ERCC6L2: variants seen among roughly 807,000 people sequenced by gnomAD.
The protein encoded by ERCC6L2 is DNA excision repair protein ERCC-6-like 2.
ERCC6L2 carries 77 observed loss-of-function variants against 132.0 expected under a neutral mutation model. The observed-to-expected ratio is 0.58, with a 90% CI of 0.49 to 0.71. ERCC6L2 has a LOEUF of 0.71. Ranked by LOEUF, ERCC6L2 falls within the 30% of genes least tolerant of loss-of-function variation. ERCC6L2 has a pLI of 0.00. For synonymous variants in ERCC6L2, 583 were observed against 632.4 expected (o/e 0.92, Z 1.17); for missense variants, 1,542 against 1,837.6 (o/e 0.84, Z 2.94).
chr9:96,022,631 C>T (rs993261430), downstream of ERCC6L2, among the ~76,000 whole-genome samples: 11 of 152,236 alleles, frequency 7.2e-5, no homozygotes, highest in East Asian at 1.9e-3. Context: ...CAGCGCCAGC[C>T]GGGTCCGGGC....
chr9:96,031,400 C>G (rs1228356548), intron 19 of ERCC6L2, among the ~76,000 whole-genome samples: 1 of 152,214 alleles, frequency 6.6e-6, no homozygotes, highest in Admixed American at 6.5e-5. Context: ...ACCAAGGGCA[C>G]CCACAGGTCT....
At chr9:95,879,704 T>G (rs1827488497) in intron 1 of ERCC6L2, among the ~76,000 whole-genome samples, 1 of 152,186 alleles carries the variant, frequency 6.6e-6, no homozygotes, top group Non-Finnish European at 1.5e-5. Flanking sequence ...GTTAGTGGCT[T>G]TACTTTTAAG....
At chr9:95,970,059 TTTCATA>T in intron 14 of ERCC6L2, among the ~76,000 whole-genome samples, 1 of 152,182 alleles carries the variant, frequency 6.6e-6, no homozygotes, top group East Asian at 1.9e-4. Context: ...TTGTTTTTAG[TTTCATA>T]TTAGGGTGGA....
chr9:95,893,202 A>G (rs1458503200), intron 2 of ERCC6L2, among the ~76,000 whole-genome samples: 3 of 152,220 alleles, frequency 2.0e-5, no homozygotes, highest in African/African-American at 7.2e-5. Context: ...TCTAAGAGTT[A>G]GGAATGCTAA....
chr9:95,997,390 A>C (rs1194877710), intron 17 of ERCC6L2, among the ~76,000 whole-genome samples: 1 of 151,926 alleles, frequency 6.6e-6, no homozygotes, highest in Non-Finnish European at 1.5e-5. Flanking sequence ...GAACTGCTGC[A>C]ATCTCATGAT....
Position 96,015,287 on chromosome 9 carries a change from G to A in ERCC6L2, c.*2084G>A, listed in dbSNP as rs1439790000. Among the ~76,000 whole-genome samples the A allele has an allele frequency of 1.3e-5, 2 of 150,256 alleles. No homozygotes were observed. The highest frequency in any genetic ancestry group is 4.9e-5 in the African/African-American group (2 of 41,234). On this transcript the variant is annotated 3_prime_UTR_variant, in exon 19 of 19. Coordinates refer to ENST00000653738, the MANE Select transcript of ERCC6L2 (RefSeq NM_020207.7). ...CTGCAGCCTCCGCCCCCCGAGTCAAGCAATTCTCCTGCCTCAGCCTCCCGA... is the reference window on the plus strand; with the variant it reads ...CTGCAGCCTCCGCCCCCCGAGTCAAACAATTCTCCTGCCTCAGCCTCCCGA...
rs1487285060 is a variant in ERCC6L2, at chr9:95,875,756, C to T, written c.-283C>T. 4.2e-6 allele frequency: 2 copies of T among 475,964 alleles called. No homozygotes were observed. Among genetic ancestry groups the T allele is most frequent in the Non-Finnish European group, 3.8e-6 (1 of 263,802 alleles). 29.5% of individuals were successfully genotyped at this position (475,964 alleles called of 1,614,324 possible). On this transcript the variant is annotated 5_prime_UTR_variant, in exon 1 of 19. Transcript: ENST00000653738. ...GTCCTCCTCCGGCGGCGGCGGAGCC[C>T]GAGAGAACTAGGTGAACACCGCTTT...
chr9:95,938,818 G>A (rs1564243189), intron 11 of ERCC6L2, among the ~76,000 whole-genome samples: 1 of 151,916 alleles, frequency 6.6e-6, no homozygotes, highest in Non-Finnish European at 1.5e-5. Flanking sequence ...TTATATTGAA[G>A]GTAATTATTG....
At chr9:95,988,674 C>T (rs1486860937) in intron 17 of ERCC6L2, among the ~76,000 whole-genome samples, 1 of 152,182 alleles carries the variant, frequency 6.6e-6, no homozygotes, top group Admixed American at 6.5e-5. Context: ...TTTTCCTCTG[C>T]TCTCACCCCA....
At chr9:95,990,265 G>A (rs1221400211) in intron 17 of ERCC6L2, among the ~76,000 whole-genome samples, 1 of 152,200 alleles carries the variant, frequency 6.6e-6, no homozygotes. Context: ...CATTTCATGT[G>A]TGTGGACATA....
At chr9:96,026,792 C>CCCACACATA (rs1834375343) in intron 19 of ERCC6L2, among the ~76,000 whole-genome samples, 1 of 134,024 alleles carries the variant, frequency 7.5e-6, no homozygotes, top group East Asian at 2.5e-4. Context: ...CCACACACAC[C>CCCACACATA]CCACACACAT....
At chr9:96,022,614 G>A (rs1037445879), downstream of ERCC6L2, among the ~76,000 whole-genome samples, 1 of 152,202 alleles carries the variant, frequency 6.6e-6, no homozygotes, top group African/African-American at 2.4e-5. Flanking sequence ...TGGGGTGGAA[G>A]GACCCGCAGC....
chr9:95,896,529 C>A (rs1254077106), intron 2 of ERCC6L2, among the ~76,000 whole-genome samples: 1 of 151,790 alleles, frequency 6.6e-6, no homozygotes, highest in African/African-American at 2.4e-5. Context: ...TCAAGCAGTC[C>A]TCCTACTTCA....
intron 4 of ERCC6L2, among the ~76,000 whole-genome samples, chr9:95,912,855 T>C (rs1829405661): frequency 6.6e-6 from 1 of 152,226 alleles, no homozygotes; most frequent in Non-Finnish European, 1.5e-5. Context: ...TATTCATCTG[T>C]CATCTGTATT....
rs1179530872 is a variant in ERCC6L2, at chr9:95,876,047, G to T, written c.9G>T (p.Pro3=). The T allele has an allele frequency of 1.3e-6, 2 of 1,588,658 alleles. No homozygotes were observed. The highest frequency in any genetic ancestry group is 1.8e-5 in the Admixed American group (1 of 57,132). The change falls in exon 1 of 19, where the codon CCG becomes CCT. Residue 3 remains proline, a synonymous_variant. Coordinates refer to ENST00000653738, the MANE Select transcript of ERCC6L2 (RefSeq NM_020207.7). ...CCCCTCCCCCTGGCCGGATGGATCC[G>T]TCGGCGCCACAGCCCCGCGCGGAAA... MD[P]SAPQPRAETS...
chr9:96,038,763 T>C (rs1436967794), intron 19 of ERCC6L2: 3 of 426,148 alleles, frequency 7.0e-6, no homozygotes, highest in African/African-American at 6.1e-5. Context: ...GATCTTACTC[T>C]TTTCAAAAGG....
chr9:96,009,538 T>G (rs73654810), intron 18 of ERCC6L2, among the ~76,000 whole-genome samples: 4,044 of 152,332 alleles, frequency 0.027, 198 homozygotes, highest in African/African-American at 0.093. Flanking sequence ...CCATGATACA[T>G]AACTGCTTTT....
rs1303388759 is a variant in ERCC6L2 at position 95,897,958 on chromosome 9, C to G, written c.581C>G (p.Ser194Cys). The G allele has an allele frequency of 3.7e-6, 6 of 1,607,720 alleles. No homozygotes were observed. In the Middle Eastern group the frequency reaches 8.5e-4, roughly 229 times the overall value. Residue 194 changes from serine to cysteine, a missense_variant, in exon 3 of 19, where the codon TCT becomes TGT. Coordinates refer to ENST00000653738, the MANE Select transcript of ERCC6L2 (RefSeq NM_020207.7). ...AGTATGAAAAAGGAACCCCTTTCTTCTACAGCAAAAAAGGTAAAATCTCTA... is the reference window on the plus strand; with the variant it reads ...AGTATGAAAAAGGAACCCCTTTCTTGTACAGCAAAAAAGGTAAAATCTCTA... Reference protein sequence around the residue: ...LRSMKKEPLSSTAKKMFLIVA... With the variant: ...LRSMKKEPLSCTAKKMFLIVA...
chr9:95,974,722 T>TTGTGTG (rs139478214), intron 16 of ERCC6L2, among the ~76,000 whole-genome samples: 4,938 of 149,778 alleles, frequency 0.033, 77 homozygotes, highest in East Asian at 0.11. Flanking sequence ...GTGGCCAGAT[T>TTGTGTG]TGTGTGTGTG....
Sources: allele counts gnomAD v4.1 joint callset (sites outside exome capture counted in the v4.1 genomes callset), GRCh38; gene constraint gnomAD v4.1.1; transcripts MANE v1.5; gene names NCBI Gene and HGNC (gene_info 2026-07-23, HGNC 2026-07-21).